The following STAP2 variants were observed in gnomAD, a reference collection of about 807,000 sequenced individuals.
STAP2 encodes the protein signal-transducing adaptor protein 2.
A neutral mutation model predicts 52.7 loss-of-function variants in STAP2; 58 were observed. The observed-to-expected ratio is 1.10, with a 90% CI of 0.89 to 1.37. The LOEUF is 1.37. Among genes scored for constraint, STAP2 ranks in the 40% most tolerant of loss-of-function variants. STAP2 has a pLI of 0.00. For missense variants in STAP2, 522 were observed against 519.4 expected (o/e 1.00, Z -0.05); for synonymous variants, 231 against 210.5 (o/e 1.10, Z -0.84).
At chr19:4,337,481 C>T (rs992361181) in intron 1 of STAP2, among the ~76,000 whole-genome samples, 15 of 150,242 alleles carry the variant, frequency 1.0e-4, no homozygotes, top group African/African-American at 3.4e-4. Flanking sequence ...ATCCACCTGC[C>T]TCAGCCTCCC....
rs1211516571 is a variant in STAP2 at position 4,333,739 on chromosome 19, G to C, written c.252C>G (p.Gly84=). The C allele has an allele frequency of 2.5e-6, 4 of 1,613,200 alleles. No homozygotes were observed. The highest frequency in any genetic ancestry group is 3.4e-6 in the Non-Finnish European group (4 of 1,179,998). ...EIPWGSSRDP[G]THFSLILRDQ... ...CCCGGAGAATCAGGCTGAAGTGGGTGCCAGGGTCACGTGAGCTTCCCCAGG... is the reference window on the plus strand; with the variant it reads ...CCCGGAGAATCAGGCTGAAGTGGGTCCCAGGGTCACGTGAGCTTCCCCAGG... The change falls in exon 3 of 13, where the codon GGC becomes GGG. Residue 84 remains glycine (G), a synonymous_variant. Coordinates refer to ENST00000594605, the MANE Select transcript of STAP2 (RefSeq NM_001013841.2).
At chr19:4,327,050 G>A (rs1341344441) in intron 8 of STAP2, 43 bp from the exon 9 acceptor site, 1 of 1,599,212 alleles carries the variant, frequency 6.3e-7, no homozygotes, top group Admixed American at 1.7e-5. Flanking sequence ...GGCGGCCAGG[G>A]GCGGCCCGGT....
At chr19:4,338,566 T>TGG in intron 1 of STAP2, 86 bp downstream of exon 1, 58 of 481,478 alleles carry the variant, frequency 1.2e-4, no homozygotes, top group East Asian at 2.6e-4. Context: ...CGCCCCCCCT[T>TGG]GGCGAGTGGG....
At chr19:4,333,243 C>G (rs1971922344) in intron 3 of STAP2, among the ~76,000 whole-genome samples, 1 of 151,844 alleles carries the variant, frequency 6.6e-6, no homozygotes, top group Non-Finnish European at 1.5e-5. Flanking sequence ...GCCTATAATT[C>G]CAGCAGTTTG....
chr19:4,334,953 ATCATCCATCCACCCAC>A (rs796685514), intron 1 of STAP2, among the ~76,000 whole-genome samples: 200 of 34,402 alleles, frequency 5.8e-3, no homozygotes, highest in Non-Finnish European at 5.3e-3. Flanking sequence ...CTCACCGTCC[ATCATCCATCCACCCAC>A]TCATCCATCC....
chr19:4,328,546 C>T, intron 6 of STAP2, 129 bp downstream of exon 6: 2 of 1,313,094 alleles, frequency 1.5e-6, no homozygotes, highest in Non-Finnish European at 2.1e-6. Context: ...ACGCCCGTCT[C>T]GGCTCTGGCT....
chr19:4,337,738 G>C (rs145486998), intron 1 of STAP2, among the ~76,000 whole-genome samples: 1 of 152,108 alleles, frequency 6.6e-6, no homozygotes, highest in South Asian at 2.1e-4. Flanking sequence ...AGCTACTCGG[G>C]AGGCTGAGGC....
intron 6 of STAP2, among the ~76,000 whole-genome samples, 183 bp downstream of exon 6, chr19:4,328,492 C>A (rs1349059395): frequency 1.1e-5 from 1 of 93,700 alleles, no homozygotes. Flanking sequence ...TCAGCTCTGA[C>A]TCCTCCCCCA....
intron 6 of STAP2, 78 bp from the exon 7 acceptor site, chr19:4,327,463 C>T: frequency 6.7e-7 from 1 of 1,487,780 alleles, no homozygotes. Context: ...GCCCCAACTC[C>T]AGGCTCCGCC....
At chr19:4,332,851 A>G (rs1971916349) in intron 3 of STAP2, among the ~76,000 whole-genome samples, 3 of 150,422 alleles carry the variant, frequency 2.0e-5, no homozygotes, top group Admixed American at 2.0e-4. Context: ...AATAAAATAA[A>G]ATAATAGAAA....
In STAP2 at chr19:4,328,691, G is replaced by T; in HGVS notation, c.574C>A (p.Arg192=). Residue 192 remains arginine (R), a synonymous_variant, in exon 6 of 13, where the codon CGG becomes AGG. Transcript: ENST00000594605. ...CATGCGCACCCGTTGTGCATCTGCC[G>T]CGTGGTGACCGACACGCCGTCGGCG... ...DGADGVSVTT[R]QMHNGTHVVR... 1 of 1,467,596 alleles carries T rather than the reference G, an allele frequency of 6.8e-7. No homozygotes were observed. Among genetic ancestry groups the T allele is most frequent in the Non-Finnish European group, 9.2e-7 (1 of 1,091,826 alleles). The allele number at this position is 1,467,596 out of a possible 1,614,324, so 90.9% of individuals were successfully genotyped here. A position where few individuals can be genotyped will look rare whatever the true frequency, so the allele number is the denominator to read the frequency against.
chr19:4,331,135 G>GC (rs1971883460), intron 4 of STAP2, among the ~76,000 whole-genome samples: 1 of 152,060 alleles, frequency 6.6e-6, no homozygotes, highest in South Asian at 2.1e-4. Context: ...TTGGAGACCA[G>GC]CCCGGGCAAC....
At chr19:4,326,531 C>A (rs1599547873) in intron 9 of STAP2, among the ~76,000 whole-genome samples, 1 of 152,052 alleles carries the variant, frequency 6.6e-6, no homozygotes, top group Admixed American at 6.6e-5. Context: ...GATTCTCGGT[C>A]CCTGTGGGGC....
At chr19:4,336,465 A>C (rs2144796771) in intron 1 of STAP2, among the ~76,000 whole-genome samples, 1 of 147,868 alleles carries the variant, frequency 6.8e-6, no homozygotes, top group Admixed American at 6.7e-5. Flanking sequence ...TTACAGGTGC[A>C]CACCACCACG....
chr19:4,333,682 C>G lies in STAP2; in HGVS notation c.297+12G>C. On this transcript the variant is annotated intron_variant, in intron 3 of 12. Coordinates refer to ENST00000594605, the MANE Select transcript of STAP2 (RefSeq NM_001013841.2). The stretch of plus-strand genomic sequence containing the variant: ...GCACCGCCCCTCTGCACCCCTCCAG[C>G]AAGGGACCTACCTTGAACTTGATCT... 1 of 1,608,030 alleles carries G rather than the reference C, an allele frequency of 6.2e-7. No individual in the cohort carries two copies. Among genetic ancestry groups the G allele is most frequent in the Non-Finnish European group, 8.5e-7 (1 of 1,178,668 alleles).
intron 6 of STAP2, among the ~76,000 whole-genome samples, chr19:4,327,789 T>C (rs888986971): frequency 2.6e-5 from 4 of 151,832 alleles, no homozygotes; most frequent in Non-Finnish European, 4.4e-5. Context: ...CCGCCCCCTG[T>C]AATGGCTCCA....
chr19:4,331,040 C>T (rs62129308), intron 4 of STAP2, among the ~76,000 whole-genome samples: 6,876 of 150,756 alleles, frequency 0.046, 199 homozygotes, highest in South Asian at 0.11. Context: ...AAAAACTTAG[C>T]ACTCTGTGGC....
At chr19:4,326,505 T>C (rs1336453854) in intron 9 of STAP2, among the ~76,000 whole-genome samples, 1 of 152,012 alleles carries the variant, frequency 6.6e-6, no homozygotes, top group Non-Finnish European at 1.5e-5. Context: ...TCCACCTCTT[T>C]CCCAACACCC....
chr19:4,324,730 G>C, intron 11 of STAP2: 1 of 544,516 alleles, frequency 1.8e-6, no homozygotes, highest in Non-Finnish European at 3.3e-6. Flanking sequence ...TACTTGGGAG[G>C]CTGAGGCAGG....
Sources: allele counts gnomAD v4.1 joint callset (sites outside exome capture counted in the v4.1 genomes callset), GRCh38; gene constraint gnomAD v4.1.1; transcripts MANE v1.5; gene names NCBI Gene and HGNC (gene_info 2026-07-23, HGNC 2026-07-21).